PWWP3B: variants seen among roughly 807,000 people sequenced by gnomAD.
PWWP3B encodes PWWP domain-containing DNA repair factor 3B.
A neutral mutation model predicts 15.7 loss-of-function variants in PWWP3B; 5 were observed. The ratio of observed to expected loss-of-function variants is 0.32; its 90% CI spans 0.17 to 0.67. The LOEUF (loss-of-function observed/expected upper bound fraction) is 0.67. Ranked by LOEUF, PWWP3B falls within the 30% of genes least tolerant of loss-of-function variation. The probability of loss-of-function intolerance (pLI) is 0.74; values close to 1 mark genes in which losing one functional copy is unlikely to be tolerated. For missense variants in PWWP3B, 519 were observed against 493.1 expected (o/e 1.05, Z -0.50); for synonymous variants, 203 against 179.8 (o/e 1.13, Z -1.03).
At chrX:106,179,886 T>C (rs940207537) in intron 2 of PWWP3B, among the ~76,000 whole-genome samples, 1 of 112,085 alleles carries the variant, frequency 8.9e-6, no homozygotes, top group African/African-American at 3.2e-5. Context: ...TAAACTCCTG[T>C]AGGAAAAGTA....
intron 2 of PWWP3B, among the ~76,000 whole-genome samples, chrX:106,183,105 A>G (rs1326094315): frequency 1.8e-5 from 2 of 110,905 alleles, no homozygotes; most frequent in Non-Finnish European, 3.8e-5. Flanking sequence ...CCTAAACTGC[A>G]GTGGGGGTAG....
chrX:106,194,655 T>TC (rs1466986376), intron 2 of PWWP3B, among the ~76,000 whole-genome samples: 4 of 111,753 alleles, frequency 3.6e-5, no homozygotes, highest in African/African-American at 1.3e-4. Flanking sequence ...CTCTTTTTTT[T>TC]CCCCATCTTT....
intron 2 of PWWP3B, among the ~76,000 whole-genome samples, chrX:106,181,952 C>T (rs776472987): frequency 2.7e-5 from 3 of 112,198 alleles, no homozygotes; most frequent in Admixed American, 9.4e-5. Flanking sequence ...GAAGCCATGT[C>T]GCCCAACTCC....
At chrX:106,191,638 T>C (rs1922970636) in intron 2 of PWWP3B, among the ~76,000 whole-genome samples, 1 of 111,487 alleles carries the variant, frequency 9.0e-6, no homozygotes, top group Non-Finnish European at 1.9e-5. Context: ...AGGGAATGCT[T>C]CCAGTTTTTG....
intron 2 of PWWP3B, among the ~76,000 whole-genome samples, chrX:106,197,696 C>G (rs1186422232): frequency 3.6e-5 from 4 of 112,345 alleles, no homozygotes; most frequent in African/African-American, 9.7e-5. Context: ...TTTAAAAGTT[C>G]ATTAAAATTT....
At chrX:106,171,870 G>T (rs1921636651) in intron 2 of PWWP3B, among the ~76,000 whole-genome samples, 2 of 110,560 alleles carry the variant, frequency 1.8e-5, no homozygotes, top group Admixed American at 1.9e-4. Context: ...TTGTCTCCTA[G>T]AATAACAATG....
chrX:106,193,761 C>G (rs988495425), intron 2 of PWWP3B, among the ~76,000 whole-genome samples: 148 of 111,669 alleles, frequency 1.3e-3, no homozygotes, highest in Non-Finnish European at 2.2e-3. Flanking sequence ...CCAGCATTTG[C>G]TTATCTGTAA....
chrX:106,173,097 C>T (rs956998305), intron 2 of PWWP3B, among the ~76,000 whole-genome samples: 4 of 111,769 alleles, frequency 3.6e-5, no homozygotes, highest in African/African-American at 9.8e-5. Flanking sequence ...ATCACAAATC[C>T]GTGCCTCATA....
chrX:106,177,716 A>G (rs1248802912), intron 2 of PWWP3B, among the ~76,000 whole-genome samples: 1 of 112,490 alleles, frequency 8.9e-6, no homozygotes, highest in East Asian at 2.8e-4. Flanking sequence ...AAATGATAGA[A>G]AAATGTAAAC....
At chrX:106,192,804 G>T (rs1432802912) in intron 2 of PWWP3B, among the ~76,000 whole-genome samples, 3 of 109,837 alleles carry the variant, frequency 2.7e-5, no homozygotes, top group Admixed American at 9.7e-5. Flanking sequence ...TATGTACCCA[G>T]TAGTCATTCA....
intron 2 of PWWP3B, among the ~76,000 whole-genome samples, chrX:106,198,332 A>G (rs775128042): frequency 3.9e-4 from 44 of 111,638 alleles, no homozygotes; most frequent in Admixed American, 4.8e-4. Flanking sequence ...TGAAAATGTC[A>G]TATAAATGAA....
At chrX:106,196,775 G>A (rs1923399787) in intron 2 of PWWP3B, among the ~76,000 whole-genome samples, 1 of 111,988 alleles carries the variant, frequency 8.9e-6, no homozygotes, top group African/African-American at 3.2e-5. Context: ...TTTCTAGTTT[G>A]GGTATCAGGT....
intron 2 of PWWP3B, among the ~76,000 whole-genome samples, chrX:106,186,871 G>T (rs1922545121): frequency 8.9e-6 from 1 of 111,767 alleles, no homozygotes; most frequent in Admixed American, 9.5e-5. Flanking sequence ...GTGCCGATTG[G>T]TGCATTTACA....
In PWWP3B at chrX:106,169,717, A is replaced by T. The variant is rs1037474671; in HGVS notation, c.-529+1292A>T. On this transcript the variant is annotated intron_variant, in intron 1 of 3. Coordinates refer to ENST00000357175, the MANE Select transcript of PWWP3B (RefSeq NM_001171020.2). ...ACATATTATGACATAGTCATATAGG[A>T]TAGTATATCTATAATGTTGAATACT... Among the ~76,000 whole-genome samples, 84 of 112,457 alleles carry T rather than the reference A, an allele frequency of 7.5e-4. 1 individual carries two copies. Among genetic ancestry groups the T allele is most frequent in the African/African-American group, 2.6e-3 (82 of 31,036 alleles).
chrX:106,200,972 C>A (rs1040358004), intron 2 of PWWP3B, among the ~76,000 whole-genome samples: 1 of 108,721 alleles, frequency 9.2e-6, no homozygotes, highest in African/African-American at 3.4e-5. Flanking sequence ...GGCGTGAACC[C>A]GGGAGGCGGA....
intron 2 of PWWP3B, among the ~76,000 whole-genome samples, chrX:106,191,882 A>G (rs1218018395): frequency 1.8e-5 from 2 of 111,759 alleles, no homozygotes. Flanking sequence ...TGCATCCCAG[A>G]GATGAAGCCC....
At position 106,207,179 on chromosome X, in the gene PWWP3B, C is replaced by A. The variant is rs1471777221; in HGVS notation, c.1747C>A (p.Leu583Met). 1 of 1,207,055 alleles carries A rather than the reference C, an allele frequency of 8.3e-7. No homozygotes were observed. Among genetic ancestry groups the A allele is most frequent in the Admixed American group, 2.2e-5 (1 of 45,534 alleles). The change falls in exon 4 of 4, where the codon CTG (leucine) becomes ATG (methionine). Residue 583 changes from leucine to methionine, a missense_variant. Leu to Met is a conservative substitution (Grantham distance 15). Transcript: ENST00000357175. ...AAATGGCACAAAAGGATCCAGATGG[C>A]TGAAATCATTTTTGAATGCAAATAG... ...IVNGTKGSRW[L>M]KSFLNANRFT...
chrX:106,200,822 G>A (rs750786147), intron 2 of PWWP3B, among the ~76,000 whole-genome samples: 32 of 111,366 alleles, frequency 2.9e-4, no homozygotes, highest in African/African-American at 1.0e-3. Context: ...GCCGAGGCAG[G>A]CGGATCATGA....
intron 2 of PWWP3B, among the ~76,000 whole-genome samples, chrX:106,190,914 T>C (rs1280861023): frequency 1.8e-5 from 2 of 111,608 alleles, no homozygotes; most frequent in Non-Finnish European, 3.8e-5. Context: ...ATCTCTGTTT[T>C]GGTACCAGTA....
Sources: allele counts gnomAD v4.1 joint callset (sites outside exome capture counted in the v4.1 genomes callset), GRCh38; gene constraint gnomAD v4.1.1; transcripts MANE v1.5; gene names NCBI Gene and HGNC (gene_info 2026-07-23, HGNC 2026-07-21).